The following FGF14 variants were observed in gnomAD, a reference collection of about 807,000 sequenced individuals.
FGF14 encodes the protein fibroblast growth factor 14.
FGF14 carries 5 observed loss-of-function variants against 25.5 expected under a neutral mutation model. That is an observed-to-expected ratio of 0.20 (90% CI 0.10 to 0.41). The LOEUF is 0.41. Among genes scored for constraint, FGF14 ranks in the 10% least tolerant of loss-of-function variants. The pLI, the probability that FGF14 is intolerant of heterozygous loss-of-function variation, is 1.00. For missense variants in FGF14, 222 were observed against 320.1 expected (o/e 0.69, Z 2.34); for synonymous variants, 138 against 118.3 (o/e 1.17, Z -1.08).
At chr13:101,991,398 C>A (rs1427950477) in intron 1 of FGF14, among the ~76,000 whole-genome samples, 1 of 152,016 alleles carries the variant, frequency 6.6e-6, no homozygotes, top group Non-Finnish European at 1.5e-5. Context: ...TGGATTGTTG[C>A]TAGATTAAGG....
intron 1 of FGF14, among the ~76,000 whole-genome samples, chr13:101,878,280 C>T (rs2045509608): frequency 6.6e-6 from 1 of 152,194 alleles, no homozygotes; most frequent in African/African-American, 2.4e-5. Context: ...GGCATGCACC[C>T]ACATGCACAC....
intron 1 of FGF14, among the ~76,000 whole-genome samples, chr13:102,169,842 AGCAGCCACTGGGCACAT>A (rs2048175422): frequency 6.6e-6 from 1 of 152,176 alleles, no homozygotes; most frequent in Admixed American, 6.6e-5. Context: ...CACCCAGTCC[AGCAGCCACTGGGCACAT>A]GTAACTATTG....
intron 3 of FGF14, among the ~76,000 whole-genome samples, chr13:101,836,407 C>T (rs988031100): frequency 6.6e-6 from 1 of 151,960 alleles, no homozygotes; most frequent in Non-Finnish European, 1.5e-5. Context: ...GAATTTAGTG[C>T]TATACTGGAC....
At chr13:102,318,647 T>C (rs1422623197) in intron 1 of FGF14, among the ~76,000 whole-genome samples, 1 of 152,202 alleles carries the variant, frequency 6.6e-6, no homozygotes, top group African/African-American at 2.4e-5. Flanking sequence ...TTCCCCTTTG[T>C]GTAAGGACAC....
chr13:102,095,881 G>T (rs149334665), intron 1 of FGF14, among the ~76,000 whole-genome samples: 2 of 152,108 alleles, frequency 1.3e-5, no homozygotes, highest in East Asian at 3.9e-4. Flanking sequence ...AGGTTTTGGA[G>T]AGTCAAAAGT....
In FGF14 at chr13:101,721,162, T is replaced by A. The variant is rs2034950348; in HGVS notation, c.*1669A>T. 1 of 151,436 alleles carries A rather than the reference T, an allele frequency of 6.6e-6. No individual in the cohort carries two copies. The highest frequency in any genetic ancestry group is 6.6e-5 in the Admixed American group (1 of 15,184). 9.4% of individuals were successfully genotyped at this position (151,436 alleles called of 1,614,324 possible). Reference sequence around the variant, plus strand: ...GTTCAGTTTGGTCTCAATGAACTCTTCTGAGAAGAAAACATTGAATTTTAT... The same window carrying A: ...GTTCAGTTTGGTCTCAATGAACTCTACTGAGAAGAAAACATTGAATTTTAT... On this transcript the variant is annotated 3_prime_UTR_variant, in exon 5 of 5. Transcript: ENST00000376143.
intron 1 of FGF14, among the ~76,000 whole-genome samples, chr13:102,097,837 T>C (rs758061748): frequency 3.9e-5 from 6 of 152,304 alleles, no homozygotes; most frequent in African/African-American, 7.2e-5. Context: ...AAATAACAAC[T>C]GCCACGTGTG....
chr13:101,861,201 C>A (rs2044397911), intron 3 of FGF14, among the ~76,000 whole-genome samples: 1 of 152,064 alleles, frequency 6.6e-6, no homozygotes, highest in Non-Finnish European at 1.5e-5. Context: ...ACAGCTTTCC[C>A]AAGACAGCCC....
intron 1 of FGF14, among the ~76,000 whole-genome samples, chr13:102,147,848 T>TTGTTTAATC (rs2046916766): frequency 6.6e-6 from 1 of 152,192 alleles, no homozygotes. Context: ...AATGGTTCTT[T>TTGTTTAATC]TGTTTAATCT....
intron 1 of FGF14, among the ~76,000 whole-genome samples, chr13:101,928,741 G>A (rs1197500373): frequency 1.3e-5 from 2 of 152,158 alleles, no homozygotes; most frequent in Non-Finnish European, 1.5e-5. Context: ...CTGATGTGGT[G>A]TGCCAGGACC....
At chr13:102,087,909 A>T (rs1055519549) in intron 1 of FGF14, among the ~76,000 whole-genome samples, 1 of 152,214 alleles carries the variant, frequency 6.6e-6, no homozygotes. Flanking sequence ...TCCAGAAATA[A>T]GTATAGAAGA....
At chr13:102,088,703 CAT>C (rs1215094156) in intron 1 of FGF14, among the ~76,000 whole-genome samples, 4 of 151,942 alleles carry the variant, frequency 2.6e-5, no homozygotes, top group African/African-American at 9.7e-5. Context: ...AACATTTAGA[CAT>C]ATATATCTAA....
At chr13:102,050,543 TGAGA>T (rs1467389662) in intron 1 of FGF14, among the ~76,000 whole-genome samples, 2 of 152,124 alleles carry the variant, frequency 1.3e-5, no homozygotes, top group Non-Finnish European at 2.9e-5. Flanking sequence ...TAATAATGAT[TGAGA>T]AACAAAATTA....
At chr13:102,136,137 C>T (rs2046398991) in intron 1 of FGF14, among the ~76,000 whole-genome samples, 1 of 151,836 alleles carries the variant, frequency 6.6e-6, no homozygotes, top group African/African-American at 2.4e-5. Context: ...ATTTAATGCT[C>T]CATTCTATGT....
chr13:102,101,157 T>G (rs2044645984), intron 1 of FGF14, among the ~76,000 whole-genome samples: 1 of 152,212 alleles, frequency 6.6e-6, no homozygotes, highest in Admixed American at 6.5e-5. Flanking sequence ...TCACACAGCT[T>G]TAGTGTTCAC....
intron 1 of FGF14, among the ~76,000 whole-genome samples, chr13:101,915,823 C>T (rs2033415360): frequency 6.6e-6 from 1 of 152,226 alleles, no homozygotes; most frequent in Non-Finnish European, 1.5e-5. Context: ...GAGCCTCTGT[C>T]CCCATCCCAG....
At chr13:102,254,704 C>G (rs540625455) in intron 1 of FGF14, among the ~76,000 whole-genome samples, 29 of 152,282 alleles carry the variant, frequency 1.9e-4, no homozygotes, top group African/African-American at 6.3e-4. Flanking sequence ...AATTCAACAG[C>G]ATCCCTGGCC....
chr13:102,042,548 C>T (rs1408012519), intron 1 of FGF14, among the ~76,000 whole-genome samples: 3 of 152,084 alleles, frequency 2.0e-5, no homozygotes, highest in South Asian at 2.1e-4. Flanking sequence ...CAGGGCCTGG[C>T]ATATAGTAGA....
In FGF14 at chr13:102,007,566, C is replaced by T. The variant is rs192130427; in HGVS notation, c.209-132270G>A. 2.3e-3 allele frequency among the ~76,000 whole-genome samples: 345 copies of T among 152,182 alleles called. 1 individual carries two copies. The highest frequency in any genetic ancestry group is 6.8e-3 in the African/African-American group (283 of 41,534). ...TAGGTAAGAGAGGTGAGTCCCACCT[C>T]GCTCTGACACTGTCCAACAGGTGGT... On this transcript the variant is annotated intron_variant, in intron 1 of 4. Transcript: ENST00000376131.
Sources: gnomAD v4.1 joint callset for allele counts (sites outside exome capture counted in the v4.1 genomes callset) on GRCh38, gnomAD v4.1.1 for gene constraint, MANE v1.5 for transcripts, NCBI Gene and HGNC (gene_info 2026-07-23, HGNC 2026-07-21) for gene names.